The following ZNF789 variants were observed in gnomAD, a reference collection of about 807,000 sequenced individuals.
The protein encoded by ZNF789 is zinc finger protein 789.
In ZNF789, 11 loss-of-function variants were observed where a neutral mutation model predicts 15.6. The ratio of observed to expected loss-of-function variants is 0.70; its 90% CI spans 0.44 to 1.16. The LOEUF is 1.16. Ranked by LOEUF, ZNF789 falls within the 50% of genes most tolerant of loss-of-function variation. The pLI is 0.00. For synonymous variants in ZNF789, 159 were observed against 176.0 expected, an observed-to-expected ratio of 0.90 and a Z score of 0.76; for missense variants, 461 against 512.6, an observed-to-expected ratio of 0.90 and a Z score of 0.97.
At position 99,486,692 on chromosome 7, in the gene ZNF789, T is replaced by C; in HGVS notation, c.482T>C (p.Ile161Thr). The C allele has an allele frequency of 6.2e-7, 1 of 1,614,226 alleles. No individual in the cohort carries two copies. The highest frequency in any genetic ancestry group is 8.5e-7 in the Non-Finnish European group (1 of 1,180,048). The change falls in exon 5 of 5, where the codon ATT (isoleucine) becomes ACT (threonine). Residue 161 changes from isoleucine to threonine, a missense_variant. Ile to Thr is a moderately conservative substitution (Grantham distance 89). Coordinates refer to ENST00000331410, the MANE Select transcript of ZNF789 (RefSeq NM_213603.3). ...SRGFLQNLNL[I>T]QDQNAQTRWK... ...GGCTTCCTTCAAAACCTTAACCTTA[T>C]TCAAGATCAGAATGCGCAAACAAGG...
chr7:99,478,049 G>T (rs1221571885), intron 2 of ZNF789, among the ~76,000 whole-genome samples: 1 of 152,176 alleles, frequency 6.6e-6, no homozygotes, highest in Non-Finnish European at 1.5e-5. Flanking sequence ...CTGTTGATGG[G>T]TTCTTGGAAA....
intron 2 of ZNF789, among the ~76,000 whole-genome samples, chr7:99,478,024 A>G (rs1013510220): frequency 6.6e-6 from 1 of 152,212 alleles, no homozygotes; most frequent in African/African-American, 2.4e-5. Flanking sequence ...CCATCTGTCA[A>G]TGTACAAGTC....
In ZNF789 at chr7:99,487,540, C is replaced by A; in HGVS notation, c.*52C>A. On this transcript the variant is annotated 3_prime_UTR_variant, in exon 5 of 5. Transcript: ENST00000331410. The stretch of plus-strand genomic sequence containing the variant: ...AACTAGAACTTATAAACCTCTACTT[C>A]AAGTGTGTATCACGTAATTGTTTCC... The A allele has an allele frequency of 6.5e-7, 1 of 1,543,680 alleles. No individual in the cohort carries two copies. The highest frequency in any genetic ancestry group is 1.2e-5 in the South Asian group (1 of 80,704).
chr7:99,473,767 C>G (rs900726740), intron 1 of ZNF789, among the ~76,000 whole-genome samples: 1 of 152,178 alleles, frequency 6.6e-6, no homozygotes, highest in Non-Finnish European at 1.5e-5. Context: ...ACTACAGGCA[C>G]GCGCCACCAT....
intron 4 of ZNF789, chr7:99,485,297 G>GT (rs1286376854): frequency 7.6e-7 from 1 of 1,312,750 alleles, no homozygotes; most frequent in Middle Eastern, 1.8e-4. Context: ...GATGGGGCAT[G>GT]TCCTGTGCAT....
At chr7:99,483,506 C>G (rs1799753932) in intron 3 of ZNF789, 1 of 513,330 alleles carries the variant, frequency 1.9e-6, no homozygotes, top group African/African-American at 1.9e-5. Flanking sequence ...GGCGCTGTGC[C>G]TGTAGTTCCA....
intron 3 of ZNF789, among the ~76,000 whole-genome samples, chr7:99,483,193 T>G (rs775272919): frequency 2.6e-5 from 4 of 151,996 alleles, no homozygotes; most frequent in Non-Finnish European, 5.9e-5. Flanking sequence ...ATGGTGCCAG[T>G]GTACTCCAGC....
At chr7:99,479,837 GCAA>G (rs1345298070) in intron 3 of ZNF789, 50 bp downstream of exon 3, 1 of 1,576,734 alleles carries the variant, frequency 6.3e-7, no homozygotes, top group Non-Finnish European at 8.6e-7. Flanking sequence ...GAGTGTCTGT[GCAA>G]GCCCTTAGTC....
intron 1 of ZNF789, among the ~76,000 whole-genome samples, chr7:99,475,637 A>G (rs899106158): frequency 6.6e-6 from 1 of 151,762 alleles, no homozygotes; most frequent in African/African-American, 2.4e-5. Flanking sequence ...AGGGGAGGGG[A>G]GCATTTGGCT....
chr7:99,475,806 CTT>C (rs59681284), intron 1 of ZNF789, among the ~76,000 whole-genome samples: 15 of 128,318 alleles, frequency 1.2e-4, no homozygotes, highest in Admixed American at 2.4e-4. Flanking sequence ...TTTTTTCTTT[CTT>C]TTTTTTTTTT....
chr7:99,476,236 A>G (rs1446949723), intron 1 of ZNF789, 167 bp from the exon 2 acceptor site: 1 of 542,622 alleles, frequency 1.8e-6, no homozygotes, highest in Non-Finnish European at 3.2e-6. Context: ...TGAAATTACT[A>G]GACTTATTGT....
intron 4 of ZNF789, among the ~76,000 whole-genome samples, chr7:99,484,899 A>G (rs1799843978): frequency 6.6e-6 from 1 of 152,212 alleles, no homozygotes; most frequent in Non-Finnish European, 1.5e-5. Flanking sequence ...ACTGTACTCC[A>G]GCCTGGGTGA....
At chr7:99,478,643 G>C (rs1799457441) in intron 2 of ZNF789, 6 of 341,482 alleles carry the variant, frequency 1.8e-5, no homozygotes, top group Non-Finnish European at 2.9e-5. Flanking sequence ...GGCTGCAGTG[G>C]TGTGGGAGGG....
chr7:99,481,882 G>A (rs1031234395), intron 3 of ZNF789: 1 of 399,092 alleles, frequency 2.5e-6, no homozygotes, highest in Non-Finnish European at 4.5e-6. Context: ...ATCACCTGCA[G>A]GCCTACTTTC....
At chr7:99,477,199 C>T (rs1018697698) in intron 2 of ZNF789, among the ~76,000 whole-genome samples, 10 of 152,038 alleles carry the variant, frequency 6.6e-5, no homozygotes, top group Admixed American at 1.3e-4. Context: ...AGTGCCACCA[C>T]GCCCAGCTAA....
chr7:99,476,427 C>T lies in ZNF789; in HGVS notation c.-30C>T, dbSNP rs759286403. ...GCTCAGCCAGACGTCCAGGATCCCA[C>T]CCCTTGCAAAAGACCAGGCCGTGGA... is the stretch of plus-strand genomic sequence containing the variant. On this transcript the variant is annotated 5_prime_UTR_variant, in exon 2 of 5. Coordinates refer to ENST00000331410, the MANE Select transcript of ZNF789 (RefSeq NM_213603.3). 1.7e-5 allele frequency: 28 copies of T among 1,605,552 alleles called. No homozygotes were observed. Among genetic ancestry groups the T allele is most frequent in the Admixed American group, 1.5e-4 (9 of 58,538 alleles).
chr7:99,476,268 CAT>C (rs1799329569), intron 1 of ZNF789, 133 bp from the exon 2 acceptor site: 2 of 567,178 alleles, frequency 3.5e-6, no homozygotes, highest in South Asian at 4.7e-5. Context: ...CATTTCATCA[CAT>C]GTTCCAACAC....
chr7:99,484,056 A>C lies in ZNF789; in HGVS notation c.178A>C (p.Ile60Leu). The change falls in exon 4 of 5, where the codon ATC becomes CTC. Residue 60 changes from isoleucine (I) to leucine (L), a missense_variant. Ile to Leu is a conservative substitution (Grantham distance 5). Coordinates refer to ENST00000331410, the MANE Select transcript of ZNF789 (RefSeq NM_213603.3). Reference sequence around the variant, plus strand: ...ATTTCAGTTTCCCAAACCTGAGATGATCTGTCAGCTGGAGAACTGGGACGA... The same window carrying C: ...ATTTCAGTTTCCCAAACCTGAGATGCTCTGTCAGCTGGAGAACTGGGACGA... ...LGFQFPKPEM[I>L]CQLENWDEQW... is the part of the protein sequence containing the mutation. The C allele has an allele frequency of 6.2e-7, 1 of 1,614,108 alleles. No individual in the cohort carries two copies. Among genetic ancestry groups the C allele is most frequent in the African/African-American group, 1.3e-5 (1 of 75,024 alleles).
At chr7:99,479,500 G>A in intron 2 of ZNF789, 161 bp from the exon 3 acceptor site, 2 of 715,434 alleles carry the variant, frequency 2.8e-6, no homozygotes, top group South Asian at 3.0e-5. Flanking sequence ...TCTGGCCTGA[G>A]GGCCATCAGG....
Sources: gnomAD v4.1 joint callset for allele counts (sites outside exome capture counted in the v4.1 genomes callset) on GRCh38, gnomAD v4.1.1 for gene constraint, MANE v1.5 for transcripts, NCBI Gene and HGNC (gene_info 2026-07-23, HGNC 2026-07-21) for gene names.